The following KCNK2 variants were observed in gnomAD, a reference collection of about 807,000 sequenced individuals.
KCNK2 encodes potassium channel subfamily K member 2.
In KCNK2, 21 loss-of-function variants were observed where a neutral mutation model predicts 40.5. The observed-to-expected ratio is 0.52, with a 90% CI of 0.37 to 0.75. The LOEUF is 0.75. Ranked by LOEUF, KCNK2 falls within the 30% of genes least tolerant of loss-of-function variation. KCNK2 has a pLI of 0.00. For synonymous variants in KCNK2, 191 were observed against 202.2 expected (o/e 0.94, Z 0.47); for missense variants, 399 against 531.6 (o/e 0.75, Z 2.45).
At chr1:215,014,626 T>G (rs1349105708) in intron 1 of KCNK2, among the ~76,000 whole-genome samples, 1 of 151,980 alleles carries the variant, frequency 6.6e-6, no homozygotes, top group Admixed American at 6.6e-5. Flanking sequence ...CTCAAAAAAT[T>G]GATTGTTTAT....
rs539934812 is a variant in KCNK2 at position 215,204,624 on chromosome 1, C to T, written c.963+9532C>T. Among the ~76,000 whole-genome samples the T allele has an allele frequency of 1.7e-4, 25 of 150,386 alleles. No individual in the cohort carries two copies. In the South Asian group the frequency reaches 5.1e-3, roughly 31 times the overall value. On this transcript the variant is annotated intron_variant, in intron 6 of 6. Coordinates refer to ENST00000444842, the MANE Select transcript of KCNK2 (RefSeq NM_001017425.3). ...TTGTTTTTGGACTTTCTTCAGCAAA[C>T]CAAAGTATTGCACTTGCCTGTATTC... is the stretch of plus-strand genomic sequence containing the variant.
chr1:215,200,987 C>T (rs1396607468), intron 6 of KCNK2, among the ~76,000 whole-genome samples: 1 of 152,078 alleles, frequency 6.6e-6, no homozygotes, highest in Non-Finnish European at 1.5e-5. Flanking sequence ...GAAATTAAAG[C>T]TGGGAAGATA....
chr1:215,178,059 T>C (rs1397913568), intron 5 of KCNK2, among the ~76,000 whole-genome samples: 1 of 152,070 alleles, frequency 6.6e-6, no homozygotes, highest in Admixed American at 6.6e-5. Flanking sequence ...CTTTAAACAG[T>C]GTTGTGTAGT....
At chr1:215,233,739 C>T (rs1156233350) in intron 6 of KCNK2, among the ~76,000 whole-genome samples, 1 of 152,026 alleles carries the variant, frequency 6.6e-6, no homozygotes, top group African/African-American at 2.4e-5. Context: ...AAGCTGAAAG[C>T]AGAAGTGCTA....
intron 6 of KCNK2, among the ~76,000 whole-genome samples, chr1:215,227,414 A>T (rs1471729059): frequency 1.3e-5 from 2 of 152,188 alleles, no homozygotes; most frequent in African/African-American, 4.8e-5. Flanking sequence ...TGAATGAACA[A>T]AGGCAAAAGA....
chr1:215,171,057 A>T (rs1451827373), intron 4 of KCNK2, among the ~76,000 whole-genome samples: 3 of 152,150 alleles, frequency 2.0e-5, no homozygotes, highest in African/African-American at 7.2e-5. Context: ...CTGTGATTTC[A>T]TAGGTCTTTA....
chr1:215,214,683 C>T (rs181354112), intron 6 of KCNK2, among the ~76,000 whole-genome samples: 1 of 152,042 alleles, frequency 6.6e-6, no homozygotes, highest in Non-Finnish European at 1.5e-5. Context: ...AAAAAAATTG[C>T]CTGGTGTGGT....
At chr1:215,094,000 G>A (rs1041817810) in intron 2 of KCNK2, among the ~76,000 whole-genome samples, 10 of 137,398 alleles carry the variant, frequency 7.3e-5, no homozygotes, top group African/African-American at 1.6e-4. Context: ...GTGCAAATGC[G>A]GTTTTTGTCA....
At chr1:215,084,106 A>G (rs1283565467) in intron 1 of KCNK2, among the ~76,000 whole-genome samples, 1 of 152,118 alleles carries the variant, frequency 6.6e-6, no homozygotes, top group Non-Finnish European at 1.5e-5. Flanking sequence ...TGTACATTAC[A>G]TATATTTCTG....
chr1:215,222,564 C>T (rs964339968), intron 6 of KCNK2, among the ~76,000 whole-genome samples: 1 of 152,100 alleles, frequency 6.6e-6, no homozygotes, highest in South Asian at 2.1e-4. Context: ...TTAATCTTTA[C>T]ACAATTACAT....
intron 5 of KCNK2, among the ~76,000 whole-genome samples, chr1:215,187,003 T>C (rs1245129087): frequency 6.6e-6 from 1 of 152,220 alleles, no homozygotes; most frequent in Non-Finnish European, 1.5e-5. Context: ...AGAGTCTCAC[T>C]CTGTAGCCTA....
intron 2 of KCNK2, among the ~76,000 whole-genome samples, chr1:215,123,372 T>C (rs1326933449): frequency 6.6e-6 from 1 of 151,964 alleles, no homozygotes; most frequent in African/African-American, 2.4e-5. Flanking sequence ...GTACTTTTTA[T>C]TATCTTCTTT....
intron 1 of KCNK2, among the ~76,000 whole-genome samples, chr1:215,047,865 T>C (rs1002486006): frequency 6.6e-6 from 1 of 152,186 alleles, no homozygotes; most frequent in East Asian, 1.9e-4. Context: ...CGGTTAGATC[T>C]GTATCAAGGG....
intron 1 of KCNK2, among the ~76,000 whole-genome samples, chr1:215,016,652 T>C (rs916173151): frequency 6.6e-6 from 1 of 152,116 alleles, no homozygotes. Flanking sequence ...GTAAAACCCC[T>C]GGACAAAACA....
intron 1 of KCNK2, among the ~76,000 whole-genome samples, chr1:215,073,503 A>G (rs558989834): frequency 6.6e-6 from 1 of 152,248 alleles, no homozygotes; most frequent in African/African-American, 2.4e-5. Flanking sequence ...CGAAGGATAA[A>G]TAGAACTTAT....
At chr1:215,137,978 T>G (rs1039275370) in intron 3 of KCNK2, among the ~76,000 whole-genome samples, 2 of 152,178 alleles carry the variant, frequency 1.3e-5, no homozygotes, top group Admixed American at 1.3e-4. Flanking sequence ...AAGGGGTCCA[T>G]AAACCACAAA....
Position 215,231,177 on chromosome 1 carries a change from T to C in KCNK2, c.964-3651T>C, listed in dbSNP as rs369466342. Among the ~76,000 whole-genome samples, 63 of 152,292 alleles carry C rather than the reference T, an allele frequency of 4.1e-4. 1 individual carries two copies. The South Asian group carries it at 0.011, about 27-fold the overall frequency. The stretch of plus-strand genomic sequence containing the variant: ...TTATTGGGACCACTTAAGATTCAAA[T>C]TGCAATAAAGAGATGATAAAAACAT... On this transcript the variant is annotated intron_variant, in intron 6 of 6. Transcript: ENST00000444842.
intron 2 of KCNK2, among the ~76,000 whole-genome samples, chr1:215,124,190 G>T (rs1418272262): frequency 3.3e-5 from 5 of 152,072 alleles, no homozygotes; most frequent in Non-Finnish European, 7.4e-5. Context: ...CCCAGACTTG[G>T]ATCATATATT....
intron 2 of KCNK2, among the ~76,000 whole-genome samples, chr1:215,111,183 G>A (rs76744826): frequency 2.0e-5 from 3 of 151,964 alleles, no homozygotes; most frequent in Non-Finnish European, 4.4e-5. Context: ...AGGTAATTTC[G>A]TGTCTTCTTT....
Sources: allele counts gnomAD v4.1 joint callset (sites outside exome capture counted in the v4.1 genomes callset), GRCh38; gene constraint gnomAD v4.1.1; transcripts MANE v1.5; gene names NCBI Gene and HGNC (gene_info 2026-07-23, HGNC 2026-07-21).